Variants in ROBO1 observed in about 807,000 individuals in gnomAD.
The protein encoded by ROBO1 is roundabout homolog 1.
ROBO1 carries 149 observed loss-of-function variants against 195.9 expected under a neutral mutation model. The ratio of observed to expected loss-of-function variants is 0.76; its 90% CI spans 0.67 to 0.87. ROBO1 has a LOEUF of 0.87. ROBO1 is among the 40% of genes least tolerant of loss of function. ROBO1 has a pLI of 0.00. For synonymous variants in ROBO1, 816 were observed against 733.2 expected, an observed-to-expected ratio of 1.11 and a Z score of -1.82; for missense variants, 1,933 against 2,068.3, an observed-to-expected ratio of 0.93 and a Z score of 1.27.
intron 1 of ROBO1, among the ~76,000 whole-genome samples, chr3:79,749,281 G>A (rs1211536680): frequency 1.3e-5 from 2 of 152,144 alleles, no homozygotes; most frequent in African/African-American, 2.4e-5. Flanking sequence ...AAATTTCTAA[G>A]CAGCAAAGCA....
intron 2 of ROBO1, among the ~76,000 whole-genome samples, chr3:79,269,424 T>C (rs1014590758): frequency 1.1e-4 from 17 of 151,720 alleles, no homozygotes; most frequent in Non-Finnish European, 7.4e-5. Context: ...TTTTGTAACA[T>C]GGTCACACAA....
chr3:78,612,072 C>T (rs1019370516), intron 28 of ROBO1, among the ~76,000 whole-genome samples: 4 of 152,248 alleles, frequency 2.6e-5, no homozygotes, highest in South Asian at 2.1e-4. Flanking sequence ...ACTCTTTATC[C>T]GTTCAGACAT....
chr3:79,449,598 T>A lies in ROBO1; in HGVS notation c.88+140226A>T, dbSNP rs377334210. On this transcript the variant is annotated intron_variant, in intron 2 of 30. Transcript: ENST00000464233. ...ACAGAAATCTTCAAACAGATTAGTT[T>A]CTTAAATCAAGGTGTTCTACAGTGT... Among the ~76,000 whole-genome samples the A allele has an allele frequency of 4.6e-5, 7 of 152,302 alleles. No individual in the cohort carries two copies. In the East Asian group the frequency reaches 9.7e-4, roughly 21 times the overall value.
At chr3:78,609,619 G>A (rs936691120) in intron 28 of ROBO1, among the ~76,000 whole-genome samples, 3 of 152,104 alleles carry the variant, frequency 2.0e-5, no homozygotes, top group Non-Finnish European at 4.4e-5. Context: ...TTTGCCTAAT[G>A]TTATATTCTA....
chr3:78,772,489 A>C (rs1423668693), intron 4 of ROBO1, among the ~76,000 whole-genome samples: 2 of 152,130 alleles, frequency 1.3e-5, no homozygotes, highest in Non-Finnish European at 2.9e-5. Context: ...AATGTTAGGC[A>C]TAGTTATTTC....
chr3:79,141,612 T>G (rs1306941406), intron 2 of ROBO1, among the ~76,000 whole-genome samples: 1 of 150,972 alleles, frequency 6.6e-6, no homozygotes, highest in Non-Finnish European at 1.5e-5. Context: ...GATTGCACAT[T>G]GCACCCTCCC....
At chr3:79,248,474 G>A (rs950156235) in intron 2 of ROBO1, among the ~76,000 whole-genome samples, 1 of 150,958 alleles carries the variant, frequency 6.6e-6, no homozygotes, top group African/African-American at 2.4e-5. Flanking sequence ...AAGACTGACA[G>A]AAAGGACAAC....
chr3:79,603,969 A>G (rs1336908773), intron 1 of ROBO1, among the ~76,000 whole-genome samples: 5 of 152,086 alleles, frequency 3.3e-5, no homozygotes, highest in African/African-American at 9.7e-5. Flanking sequence ...TCTGCAGAAC[A>G]GTTAAAGCTC....
At chr3:79,444,401 A>G (rs1326672535) in intron 2 of ROBO1, among the ~76,000 whole-genome samples, 2 of 152,128 alleles carry the variant, frequency 1.3e-5, no homozygotes, top group Non-Finnish European at 2.9e-5. Context: ...CAGTAAAACT[A>G]TAATAGGATA....
intron 22 of ROBO1, among the ~76,000 whole-genome samples, chr3:78,637,459 G>A (rs1388271723): frequency 6.6e-6 from 1 of 152,154 alleles, no homozygotes; most frequent in Non-Finnish European, 1.5e-5. Flanking sequence ...ATTGGACATG[G>A]TCTACTCCAC....
intron 2 of ROBO1, among the ~76,000 whole-genome samples, chr3:79,587,517 T>C (rs1943866292): frequency 6.6e-6 from 1 of 151,844 alleles, no homozygotes; most frequent in Non-Finnish European, 1.5e-5. Flanking sequence ...TTTTCATTTG[T>C]CTGATTTCCT....
Position 79,433,988 on chromosome 3 carries a change from C to G in ROBO1, c.88+155836G>C, listed in dbSNP as rs184247579. 7.8e-3 allele frequency among the ~76,000 whole-genome samples: 1,182 copies of G among 152,170 alleles called. 13 individuals carry two copies. The highest frequency in any genetic ancestry group is 8.8e-3 in the Non-Finnish European group (600 of 67,984). On this transcript the variant is annotated intron_variant, in intron 2 of 30. Coordinates refer to ENST00000464233, the MANE Select transcript of ROBO1 (RefSeq NM_002941.4). ...GGAAAGGATTCCCTATTTAATAAATCGTGCTGGGAAAACTGGCTAGCCATA... is the reference window on the plus strand; with the variant it reads ...GGAAAGGATTCCCTATTTAATAAATGGTGCTGGGAAAACTGGCTAGCCATA...
chr3:79,666,186 A>G (rs758342477), intron 1 of ROBO1, among the ~76,000 whole-genome samples: 4 of 151,946 alleles, frequency 2.6e-5, no homozygotes, highest in African/African-American at 4.8e-5. Context: ...AATGGCTAGC[A>G]CAAACATTAA....
chr3:78,750,978 T>TA (rs1263872118), intron 4 of ROBO1, among the ~76,000 whole-genome samples: 1 of 152,180 alleles, frequency 6.6e-6, no homozygotes, highest in Non-Finnish European at 1.5e-5. Context: ...TATTGTAATG[T>TA]AAAAATCCAA....
intron 2 of ROBO1, among the ~76,000 whole-genome samples, chr3:79,381,373 A>AAAAAAG (rs2036569402): frequency 2.6e-5 from 3 of 115,428 alleles, no homozygotes; most frequent in African/African-American, 3.3e-5. Context: ...AAAAAAAAAA[A>AAAAAAG]AAAAGAAAAG....
chr3:78,995,132 A>T (rs551639613), intron 3 of ROBO1, among the ~76,000 whole-genome samples: 20 of 152,314 alleles, frequency 1.3e-4, no homozygotes, highest in East Asian at 5.8e-4. Context: ...TCTGTAACTG[A>T]ACAAAGAATA....
In ROBO1 at chr3:79,484,755, C is replaced by CTTTTTTTTTTTTTTTTTTT; in HGVS notation, c.88+105068_88+105069insAAAAAAAAAAAAAAAAAAA. 4.1e-3 allele frequency among the ~76,000 whole-genome samples: 272 copies of CTTTTTTTTTTTTTTTTTTT among 66,880 alleles called. 68 individuals carry two copies. The highest frequency in any genetic ancestry group is 6.3e-3 in the African/African-American group (112 of 17,734). 43.9% of individuals were successfully genotyped at this position (66,880 alleles called of 152,430 possible). A position where few individuals can be genotyped will look rare whatever the true frequency, so the allele number is the denominator to read the frequency against. On this transcript the variant is annotated intron_variant, in intron 2 of 30. Coordinates refer to ENST00000464233, the MANE Select transcript of ROBO1 (RefSeq NM_002941.4). ...TTATACACCACTATCATTGCACTAT[C>CTTTTTTTTTTTTTTTTTTT]TTTTTTTTTTTTTTTTTGAGACAGA...
chr3:79,365,875 C>T (rs963002217), intron 2 of ROBO1, among the ~76,000 whole-genome samples: 21 of 143,048 alleles, frequency 1.5e-4, no homozygotes, highest in African/African-American at 2.6e-4. Context: ...CCAGCCTGGG[C>T]GACACAGCAA....
chr3:79,595,419 A>T (rs1044741061), intron 1 of ROBO1, among the ~76,000 whole-genome samples: 2 of 152,016 alleles, frequency 1.3e-5, no homozygotes, highest in African/African-American at 4.8e-5. Flanking sequence ...TCAGTGCACG[A>T]CACCTATTTC....
Sources: gnomAD v4.1 joint callset for allele counts (sites outside exome capture counted in the v4.1 genomes callset) on GRCh38, gnomAD v4.1.1 for gene constraint, MANE v1.5 for transcripts, NCBI Gene and HGNC (gene_info 2026-07-23, HGNC 2026-07-21) for gene names.